SLC13A3: variants seen among roughly 807,000 people sequenced by gnomAD.
SLC13A3 encodes the protein solute carrier family 13 member 3.
A neutral mutation model predicts 59.0 loss-of-function variants in SLC13A3; 40 were observed. The observed-to-expected ratio is 0.68, with a 90% CI of 0.53 to 0.88. SLC13A3 has a LOEUF of 0.88. Ranked by LOEUF, SLC13A3 falls within the 40% of genes least tolerant of loss-of-function variation. The pLI, the probability that SLC13A3 is intolerant of heterozygous loss-of-function variation, is 0.00. For missense variants in SLC13A3, 699 were observed against 783.2 expected (o/e 0.89, Z 1.28); for synonymous variants, 317 against 330.3 (o/e 0.96, Z 0.44).
intron 2 of SLC13A3, among the ~76,000 whole-genome samples, chr20:46,612,941 T>C (rs530573806): frequency 6.7e-4 from 102 of 152,258 alleles, no homozygotes; most frequent in African/African-American, 2.3e-3. Flanking sequence ...GGCAGGTAAA[T>C]AGCAAACAAG....
At chr20:46,579,745 C>T (rs1319006107) in intron 9 of SLC13A3, among the ~76,000 whole-genome samples, 1 of 152,220 alleles carries the variant, frequency 6.6e-6, no homozygotes, top group Non-Finnish European at 1.5e-5. Flanking sequence ...TGTTTTTCAA[C>T]TTGAATGAGT....
chr20:46,654,729 C>G (rs1046368952), upstream of SLC13A3, among the ~76,000 whole-genome samples: 4 of 152,154 alleles, frequency 2.6e-5, no homozygotes, highest in African/African-American at 9.7e-5. Context: ...CGGGTTTACA[C>G]CATGTTGGCC....
At chr20:46,633,612 G>A (rs2062765725) in intron 1 of SLC13A3, among the ~76,000 whole-genome samples, 1 of 152,204 alleles carries the variant, frequency 6.6e-6, no homozygotes, top group African/African-American at 2.4e-5. Context: ...CCATACCACT[G>A]CTATCTGAGA....
chr20:46,663,887 T>C (rs953673769), intron 1 of SLC13A3, among the ~76,000 whole-genome samples: 3 of 152,196 alleles, frequency 2.0e-5, no homozygotes, highest in African/African-American at 7.2e-5. Flanking sequence ...ATACTGAGCA[T>C]TGAACAAAGT....
chr20:46,657,829 G>A (rs765829043), intron 1 of SLC13A3, among the ~76,000 whole-genome samples: 43 of 152,114 alleles, frequency 2.8e-4, no homozygotes, highest in Non-Finnish European at 5.0e-4. Flanking sequence ...GGAGCAAGGC[G>A]CTGGGGGGAG....
At chr20:46,626,129 C>G (rs1212478136) in intron 1 of SLC13A3, among the ~76,000 whole-genome samples, 1 of 137,064 alleles carries the variant, frequency 7.3e-6, no homozygotes, top group Non-Finnish European at 1.6e-5. Context: ...CTCTGTCTCT[C>G]TCTCTCTCTG....
chr20:46,672,427 C>T (rs1223261537), upstream of SLC13A3, among the ~76,000 whole-genome samples: 1 of 152,222 alleles, frequency 6.6e-6, no homozygotes, highest in Non-Finnish European at 1.5e-5. Context: ...GAATTCAAAC[C>T]TGTGCCAGGC....
Position 46,589,576 on chromosome 20 carries a change from G to T in SLC13A3, c.921-321C>A, listed in dbSNP as rs58932751. 3.9e-3 allele frequency among the ~76,000 whole-genome samples: 601 copies of T among 152,248 alleles called. 4 individuals are homozygous for T. The highest frequency in any genetic ancestry group is 0.014 in the African/African-American group (583 of 41,542). ...TAGACACAGACTCAATCACAAATGG[G>T]AATTTAGTCTATAATAAAATTGCTA... On this transcript the variant is annotated intron_variant, in intron 6 of 12. Coordinates refer to ENST00000279027, the MANE Select transcript of SLC13A3 (RefSeq NM_022829.6).
At chr20:46,676,661 C>G (rs570651339) in intron 1 of SLC13A3, among the ~76,000 whole-genome samples, 3 of 151,554 alleles carry the variant, frequency 2.0e-5, no homozygotes, top group Non-Finnish European at 4.4e-5. Flanking sequence ...TCACAGCTCA[C>G]TGCAGCCTTG....
chr20:46,657,539 C>T (rs968838265), intron 1 of SLC13A3, among the ~76,000 whole-genome samples: 4 of 152,124 alleles, frequency 2.6e-5, no homozygotes, highest in Admixed American at 6.5e-5. Context: ...ATGGGGATGT[C>T]ACCTCATTAC....
intron 9 of SLC13A3, among the ~76,000 whole-genome samples, chr20:46,580,452 T>C (rs1243851279): frequency 6.8e-6 from 1 of 148,026 alleles, no homozygotes; most frequent in Non-Finnish European, 1.5e-5. Flanking sequence ...TATATATAAA[T>C]ATATATAATA....
chr20:46,569,245 C>A (rs955416016), intron 10 of SLC13A3, among the ~76,000 whole-genome samples: 14 of 152,074 alleles, frequency 9.2e-5, no homozygotes, highest in African/African-American at 3.4e-4. Context: ...CCTGCCTAGG[C>A]CTCCCAAAGT....
At chr20:46,616,339 G>A (rs1016070346) in intron 1 of SLC13A3, among the ~76,000 whole-genome samples, 11 of 152,198 alleles carry the variant, frequency 7.2e-5, no homozygotes, top group Non-Finnish European at 1.6e-4. Context: ...GAGAAAAAGA[G>A]CTGTCGATGG....
chr20:46,632,927 C>CTATT (rs2062758887), intron 1 of SLC13A3, among the ~76,000 whole-genome samples: 29 of 32,992 alleles, frequency 8.8e-4, no homozygotes, highest in Admixed American at 3.3e-3. Context: ...ATCTATCTAT[C>CTATT]TATCTATCTA....
chr20:46,629,041 A>G (rs1281136793), intron 1 of SLC13A3, among the ~76,000 whole-genome samples: 1 of 152,234 alleles, frequency 6.6e-6, no homozygotes, highest in East Asian at 1.9e-4. Context: ...TGTCTGTGAA[A>G]GCATTTTGAA....
At chr20:46,587,067 T>A (rs1487865414) in intron 8 of SLC13A3, among the ~76,000 whole-genome samples, 2 of 152,212 alleles carry the variant, frequency 1.3e-5, no homozygotes, top group East Asian at 3.8e-4. Flanking sequence ...CAAAATCAAA[T>A]GGCGGGCCAG....
At chr20:46,650,020 AT>A (rs2062936564) in intron 1 of SLC13A3, among the ~76,000 whole-genome samples, 1 of 152,120 alleles carries the variant, frequency 6.6e-6, no homozygotes, top group South Asian at 2.1e-4. Context: ...TTTTGTGAAC[AT>A]TTAATACCTC....
upstream of SLC13A3, among the ~76,000 whole-genome samples, chr20:46,653,277 T>C (rs1428244476): frequency 1.3e-5 from 2 of 152,232 alleles, no homozygotes; most frequent in East Asian, 3.8e-4. Context: ...TTATCAAATT[T>C]TTCCTTTGGA....
intron 1 of SLC13A3, among the ~76,000 whole-genome samples, chr20:46,637,559 C>G (rs984673898): frequency 1.2e-4 from 19 of 152,190 alleles, no homozygotes; most frequent in Middle Eastern, 3.4e-3. Flanking sequence ...CTTCCAGACC[C>G]CAGGGCCAAG....
Sources: gnomAD v4.1 joint callset for allele counts (sites outside exome capture counted in the v4.1 genomes callset) on GRCh38, gnomAD v4.1.1 for gene constraint, MANE v1.5 for transcripts, NCBI Gene and HGNC (gene_info 2026-07-23, HGNC 2026-07-21) for gene names.